Variants in MYO9B observed in about 807,000 individuals in gnomAD.
The protein encoded by MYO9B is unconventional myosin-IXb.
A neutral mutation model predicts 229.5 loss-of-function variants in MYO9B; 71 were observed. The ratio of observed to expected loss-of-function variants is 0.31; its 90% CI spans 0.26 to 0.38. MYO9B has a LOEUF of 0.38. Among genes scored for constraint, MYO9B ranks in the 10% least tolerant of loss-of-function variants. The probability of loss-of-function intolerance (pLI) is 1.00; values close to 1 mark genes in which losing one functional copy is unlikely to be tolerated. For synonymous variants in MYO9B, 1,185 were observed against 1,235.8 expected (o/e 0.96, Z 0.86); for missense variants, 2,255 against 2,920.5 (o/e 0.77, Z 5.25).
At chr19:17,140,491 T>G (rs1260253047) in intron 2 of MYO9B, among the ~76,000 whole-genome samples, 3 of 62,758 alleles carry the variant, frequency 4.8e-5, no homozygotes, top group Admixed American at 1.3e-4. Flanking sequence ...TAGGGTTAGA[T>G]TTCTTTTTTT....
intron 10 of MYO9B, among the ~76,000 whole-genome samples, chr19:17,165,588 T>C (rs1206690972): frequency 1.3e-5 from 2 of 150,764 alleles, no homozygotes; most frequent in Non-Finnish European, 3.0e-5. Flanking sequence ...AAAAAAAAAA[T>C]TTGAGATGGA....
At chr19:17,090,672 G>T (rs1190270032) in intron 1 of MYO9B, among the ~76,000 whole-genome samples, 1 of 152,196 alleles carries the variant, frequency 6.6e-6, no homozygotes, top group Non-Finnish European at 1.5e-5. Flanking sequence ...TTTGCTTCCT[G>T]TTCACATTGT....
At chr19:17,146,330 G>A (rs2072411167) in intron 3 of MYO9B, among the ~76,000 whole-genome samples, 1 of 151,220 alleles carries the variant, frequency 6.6e-6, no homozygotes. Context: ...TCATGGGTAG[G>A]TGAATGAATA....
chr19:17,101,605 C>A lies in MYO9B; in HGVS notation c.-58-55C>A. The A allele has an allele frequency of 7.0e-7, 1 of 1,418,682 alleles. No homozygotes were observed. 87.9% of individuals were successfully genotyped at this position (1,418,682 alleles called of 1,614,324 possible). A position where few individuals can be genotyped will look rare whatever the true frequency, so the allele number is the denominator to read the frequency against. On this transcript the variant is annotated intron_variant, in intron 1 of 39. Coordinates refer to ENST00000682292, the MANE Select transcript of MYO9B (RefSeq NM_004145.4). This position sits in a 1 kb window ranked among gnomAD's most constrained non-coding sequence, Gnocchi z 4.7. ...TGCCCAGGAGTGGGACTCCACATGC[C>A]CCTTAAACTTCCTCCCACCATTCTG...
chr19:17,160,513 T>TTTC (rs1555699042), intron 8 of MYO9B, among the ~76,000 whole-genome samples: 13 of 145,972 alleles, frequency 8.9e-5, no homozygotes, highest in African/African-American at 2.0e-4. Context: ...TTTTTTTCTT[T>TTTC]TTTTTTTTTT....
intron 2 of MYO9B, among the ~76,000 whole-genome samples, chr19:17,118,513 A>G (rs2057929399): frequency 6.6e-6 from 1 of 151,462 alleles, no homozygotes; most frequent in Non-Finnish European, 1.5e-5. Flanking sequence ...ACAGAGTTTC[A>G]CTCTGTCACC....
chr19:17,104,734 A>G (rs1212567342), intron 2 of MYO9B, among the ~76,000 whole-genome samples: 2 of 124,002 alleles, frequency 1.6e-5, no homozygotes, highest in Non-Finnish European at 1.6e-5. Flanking sequence ...CTCCGCTTAA[A>G]AAAAAAACAA....
intron 28 of MYO9B, 125 bp downstream of exon 28, chr19:17,202,428 C>A (rs1257952577): frequency 2.1e-6 from 2 of 948,050 alleles, no homozygotes; most frequent in East Asian, 2.6e-5. Context: ...CCTGCCCATA[C>A]CACAGCCACT....
chr19:17,192,086 G>C (rs2072991235), intron 20 of MYO9B, among the ~76,000 whole-genome samples: 1 of 151,822 alleles, frequency 6.6e-6, no homozygotes, highest in African/African-American at 2.4e-5. Context: ...CCTCCAAGCA[G>C]CTGGGATTAC....
intron 13 of MYO9B, among the ~76,000 whole-genome samples, 198 bp downstream of exon 13, chr19:17,173,161 A>G (rs1338005721): frequency 6.6e-6 from 1 of 152,096 alleles, no homozygotes; most frequent in African/African-American, 2.4e-5. Context: ...AGGGCATGCT[A>G]TCAGCAACTC....
chr19:17,143,089 G>C (rs1010753825), intron 2 of MYO9B, among the ~76,000 whole-genome samples: 1 of 152,136 alleles, frequency 6.6e-6, no homozygotes, highest in Non-Finnish European at 1.5e-5. Flanking sequence ...AAATGTAAAA[G>C]TTAGCCAGGC....
At chr19:17,084,534 C>T (rs1335779933) in intron 1 of MYO9B, among the ~76,000 whole-genome samples, 1 of 151,776 alleles carries the variant, frequency 6.6e-6, no homozygotes, top group Non-Finnish European at 1.5e-5. Flanking sequence ...CAACCTTCTT[C>T]ATGTTGGTAG....
chr19:17,142,620 A>G (rs942696913), intron 2 of MYO9B, among the ~76,000 whole-genome samples: 1 of 152,156 alleles, frequency 6.6e-6, no homozygotes, highest in Non-Finnish European at 1.5e-5. Context: ...CCGATAGGCA[A>G]TATTTGCACC....
chr19:17,205,458 G>C (rs2073150193), intron 31 of MYO9B, 122 bp downstream of exon 31: 1 of 894,252 alleles, frequency 1.1e-6, no homozygotes, highest in Non-Finnish European at 1.8e-6. Context: ...GGGCGGCTGT[G>C]GCCTCTGGTT....
intron 3 of MYO9B, 110 bp downstream of exon 3, chr19:17,145,601 G>A (rs1359079320): frequency 4.1e-6 from 4 of 964,262 alleles, no homozygotes; most frequent in South Asian, 1.4e-5. Context: ...GGATGTTTAT[G>A]CTTTGTATGG....
intron 28 of MYO9B, 93 bp downstream of exon 28, chr19:17,202,396 C>A: frequency 7.8e-7 from 1 of 1,274,072 alleles, no homozygotes; most frequent in Non-Finnish European, 1.1e-6. Flanking sequence ...CCTCACCATG[C>A]TTATGCCACA....
intron 2 of MYO9B, among the ~76,000 whole-genome samples, chr19:17,105,128 T>C (rs2057780672): frequency 1.3e-5 from 2 of 151,924 alleles, no homozygotes; most frequent in Admixed American, 1.3e-4. Context: ...CTGTCTGTAG[T>C]TGGAGTCCCA....
intron 6 of MYO9B, among the ~76,000 whole-genome samples, chr19:17,154,790 A>C (rs2072519766): frequency 6.6e-6 from 1 of 152,080 alleles, no homozygotes; most frequent in Non-Finnish European, 1.5e-5. Flanking sequence ...GTGAGACCTC[A>C]TCTCTACAAA....
At chr19:17,173,343 T>C (rs968668007) in intron 13 of MYO9B, among the ~76,000 whole-genome samples, 13 of 149,764 alleles carry the variant, frequency 8.7e-5, no homozygotes, top group South Asian at 2.2e-4. Flanking sequence ...CTCTCTCTCT[T>C]GCCCAGGCTC....
Sources: allele counts gnomAD v4.1 joint callset (sites outside exome capture counted in the v4.1 genomes callset), GRCh38; gene constraint gnomAD v4.1.1; non-coding constraint Gnocchi (gnomAD v3.1); transcripts MANE v1.5; gene names NCBI Gene and HGNC (gene_info 2026-07-23, HGNC 2026-07-21).